CNTN4: variants seen among roughly 807,000 people sequenced by gnomAD.
The protein encoded by CNTN4 is contactin 4, also known as contactin-4.
CNTN4 carries 77 observed loss-of-function variants against 122.5 expected under a neutral mutation model. The observed-to-expected ratio is 0.63, with a 90% CI of 0.52 to 0.76. The LOEUF (loss-of-function observed/expected upper bound fraction) is 0.76. CNTN4 is among the 30% of genes least tolerant of loss of function. CNTN4 has a pLI of 0.00. For synonymous variants in CNTN4, 512 were observed against 447.0 expected (o/e 1.15, Z -1.83); for missense variants, 1,256 against 1,259.1 (o/e 1.00, Z 0.04).
At chr3:2,112,830 G>A (rs1208975705) in intron 2 of CNTN4, among the ~76,000 whole-genome samples, 1 of 152,052 alleles carries the variant, frequency 6.6e-6, no homozygotes, top group Non-Finnish European at 1.5e-5. Flanking sequence ...CCTGGAGAGA[G>A]ACCCCCATCC....
At chr3:2,994,057 G>T (rs1695300574) in intron 14 of CNTN4, among the ~76,000 whole-genome samples, 1 of 152,092 alleles carries the variant, frequency 6.6e-6, no homozygotes, top group African/African-American at 2.4e-5. Context: ...CACACAGCTG[G>T]AACCAGAATA....
chr3:2,407,436 G>C (rs2047078691), intron 3 of CNTN4, among the ~76,000 whole-genome samples: 1 of 151,512 alleles, frequency 6.6e-6, no homozygotes, highest in Non-Finnish European at 1.5e-5. Context: ...TTTGTCTATG[G>C]GTAAACCAAG....
chr3:2,135,489 G>C (rs888266992), intron 2 of CNTN4, among the ~76,000 whole-genome samples: 5 of 152,208 alleles, frequency 3.3e-5, no homozygotes, highest in Admixed American at 2.0e-4. Flanking sequence ...ATGTGAGCCA[G>C]AGAGAATTTG....
chr3:2,736,368 C>A (rs2089090157), intron 5 of CNTN4, 27 bp downstream of exon 5: 1 of 1,605,066 alleles, frequency 6.2e-7, no homozygotes, highest in African/African-American at 1.3e-5. Flanking sequence ...GCATGTGTTT[C>A]CATGCATATA....
At chr3:2,259,642 A>G (rs1342343841) in intron 2 of CNTN4, among the ~76,000 whole-genome samples, 1 of 152,200 alleles carries the variant, frequency 6.6e-6, no homozygotes, top group Non-Finnish European at 1.5e-5. Context: ...AATCCCTTAT[A>G]AAACCATCAG....
At chr3:2,903,797 G>A (rs779080642) in intron 12 of CNTN4, among the ~76,000 whole-genome samples, 15 of 151,402 alleles carry the variant, frequency 9.9e-5, no homozygotes, top group South Asian at 6.2e-4. Context: ...TAACCTCCCC[G>A]TGACGTCAAG....
chr3:2,142,228 A>G (rs1442533595), intron 2 of CNTN4, among the ~76,000 whole-genome samples: 1 of 152,204 alleles, frequency 6.6e-6, no homozygotes, highest in Non-Finnish European at 1.5e-5. Flanking sequence ...GTTTCTACAT[A>G]TGACTGGCAC....
chr3:2,809,471 G>A (rs550718621), intron 6 of CNTN4, among the ~76,000 whole-genome samples: 55 of 151,106 alleles, frequency 3.6e-4, no homozygotes, highest in African/African-American at 7.2e-4. Context: ...AGCTGGGGAC[G>A]TAGGCAGGGG....
At chr3:2,532,799 G>GA (rs2077647541) in intron 3 of CNTN4, among the ~76,000 whole-genome samples, 1 of 151,992 alleles carries the variant, frequency 6.6e-6, no homozygotes, top group East Asian at 1.9e-4. Flanking sequence ...TATTTTGATA[G>GA]AAAAAAGTCA....
chr3:2,844,413 G>A (rs1174890922), intron 7 of CNTN4, among the ~76,000 whole-genome samples: 1 of 152,184 alleles, frequency 6.6e-6, no homozygotes, highest in African/African-American at 2.4e-5. Context: ...TGTAATATAA[G>A]TCTCAAGGCT....
At position 2,455,445 on chromosome 3, in the gene CNTN4, A is replaced by G. The variant is rs138671403; in HGVS notation, c.-88-115971A>G. Among the ~76,000 whole-genome samples, 58 of 152,192 alleles carry G rather than the reference A, an allele frequency of 3.8e-4. No homozygotes were observed. In the East Asian group the frequency reaches 9.1e-3, roughly 24 times the overall value. The stretch of plus-strand genomic sequence containing the variant: ...AAAAGAAGAGAGTTAGAAAAGGGAG[A>G]AAGTGGGTCTTGCTTCCTTCCCTAG... On this transcript the variant is annotated intron_variant, in intron 3 of 24. Transcript: ENST00000418658.
At chr3:2,199,351 G>T (rs2037990050) in intron 2 of CNTN4, among the ~76,000 whole-genome samples, 1 of 150,854 alleles carries the variant, frequency 6.6e-6, no homozygotes, top group Admixed American at 6.6e-5. Context: ...CTGTGTGTGT[G>T]TGTGACTCTC....
At chr3:2,393,753 G>C (rs938689323) in intron 3 of CNTN4, among the ~76,000 whole-genome samples, 1 of 151,984 alleles carries the variant, frequency 6.6e-6, no homozygotes, top group African/African-American at 2.4e-5. Flanking sequence ...AAGAGATCAA[G>C]GAAAGATAGG....
chr3:2,750,899 T>C (rs1047949591), intron 6 of CNTN4, among the ~76,000 whole-genome samples: 14 of 152,058 alleles, frequency 9.2e-5, no homozygotes, highest in Non-Finnish European at 4.4e-5. Context: ...TTGGAGTGAA[T>C]TGGAGGTGAG....
At chr3:2,140,660 C>A (rs139505015) in intron 2 of CNTN4, among the ~76,000 whole-genome samples, 1 of 152,268 alleles carries the variant, frequency 6.6e-6, no homozygotes, top group East Asian at 1.9e-4. Flanking sequence ...ATTAGGATTT[C>A]AAGATATGAA....
intron 2 of CNTN4, among the ~76,000 whole-genome samples, chr3:2,179,436 A>G (rs2036909004): frequency 6.6e-6 from 1 of 151,990 alleles, no homozygotes; most frequent in Non-Finnish European, 1.5e-5. Flanking sequence ...TGTACCTCCA[A>G]TGAAGTTGAG....
intron 2 of CNTN4, among the ~76,000 whole-genome samples, chr3:2,260,024 G>T (rs982639942): frequency 6.6e-6 from 1 of 152,026 alleles, no homozygotes; most frequent in Non-Finnish European, 1.5e-5. Flanking sequence ...TTGGAATTTT[G>T]TATTGTTTTA....
rs78565778 is a variant in CNTN4, at chr3:2,608,921, C to G, written c.55+37363C>G. ...GCCAAATATTCTCTCTAGTCAGGGGCATGCCTGATGATGCTTACAGTCTAT... is the reference window on the plus strand; with the variant it reads ...GCCAAATATTCTCTCTAGTCAGGGGGATGCCTGATGATGCTTACAGTCTAT... On this transcript the variant is annotated intron_variant, in intron 4 of 24. Coordinates refer to ENST00000418658, the MANE Select transcript of CNTN4 (RefSeq NM_175607.3). Among the ~76,000 whole-genome samples the G allele has an allele frequency of 9.9e-3, 1,508 of 152,328 alleles. 21 individuals are homozygous for G. Among genetic ancestry groups the G allele is most frequent in the African/African-American group, 0.034 (1,429 of 41,572 alleles).
At chr3:2,445,012 A>AATCT (rs1309131794) in intron 3 of CNTN4, among the ~76,000 whole-genome samples, 6 of 151,172 alleles carry the variant, frequency 4.0e-5, no homozygotes, top group Non-Finnish European at 8.8e-5. Flanking sequence ...AAAAAAAAAA[A>AATCT]ATCTATCTCT....
Sources: gnomAD v4.1 joint callset for allele counts (sites outside exome capture counted in the v4.1 genomes callset) on GRCh38, gnomAD v4.1.1 for gene constraint, MANE v1.5 for transcripts, NCBI Gene and HGNC (gene_info 2026-07-23, HGNC 2026-07-21) for gene names.